The following IAH1 variants were observed in gnomAD, a reference collection of about 807,000 sequenced individuals.
IAH1 encodes isoamyl acetate hydrolyzing esterase 1 (putative).
IAH1 carries 24 observed loss-of-function variants against 26.7 expected under a neutral mutation model. The observed-to-expected ratio is 0.90, with a 90% confidence interval of 0.65 to 1.26. IAH1 has a LOEUF of 1.26. IAH1 is among the 50% of genes most tolerant of loss of function. The probability of loss-of-function intolerance (pLI) is 0.00; values close to 1 mark genes in which losing one functional copy is unlikely to be tolerated. For missense variants in IAH1, 300 were observed against 299.9 expected, an observed-to-expected ratio of 1.00 and a Z score of 0.00; for synonymous variants, 140 against 118.5, an observed-to-expected ratio of 1.18 and a Z score of -1.18.
Position 9,488,355 on chromosome 2 carries a change from T to C in IAH1, c.*26T>C, listed in dbSNP as rs1395932186. 1.3e-6 allele frequency: 2 copies of C among 1,557,540 alleles called. No homozygotes were observed. The highest frequency in any genetic ancestry group is 2.3e-5 in the East Asian group (1 of 43,760). ...CCAATCACAGGAGACCCAAATCTGC[T>C]TGTTATCTACAGAACTCAAAGTTGT... is the stretch of plus-strand genomic sequence containing the variant. On this transcript the variant is annotated 3_prime_UTR_variant, in exon 6 of 6. Transcript: ENST00000497473.
the IAH1 span, chr2:9,507,110 G>C: frequency 6.6e-6 from 1 of 152,266 alleles, no homozygotes; most frequent in Non-Finnish European, 1.5e-5. Context: ...AGGGTGATGG[G>C]TTCTGTCTTT....
chr2:9,477,500 G>C (rs1276875664), intron 2 of IAH1, among the ~76,000 whole-genome samples: 1 of 151,766 alleles, frequency 6.6e-6, no homozygotes, highest in Admixed American at 6.6e-5. Flanking sequence ...GAAAAAAAGA[G>C]TCCCTCTTAT....
At position 9,476,000 on chromosome 2, in the gene IAH1, A is replaced by C. The variant is rs776216897; in HGVS notation, c.95A>C (p.Gln32Pro). The C allele has an allele frequency of 5.0e-6, 8 of 1,613,792 alleles. No individual in the cohort carries two copies. The East Asian group carries it at 1.6e-4, about 31-fold the overall frequency. Residue 32 changes from glutamine to proline, a missense_variant, in exon 2 of 6, where the codon CAG becomes CCG. By Grantham distance (76) the Gln-to-Pro change is moderately conservative. Transcript: ENST00000497473. ...TTCTTCCTCCAGTTTTCCTTCCAGC[A>C]GGGTGGATGGGGAGCATCGCTGGCT... ...GDSITQFSFQ[Q>P]GGWGASLADR...
At chr2:9,511,296 A>C in the IAH1 span, among the ~76,000 whole-genome samples, 2 of 152,052 alleles carry the variant, frequency 1.3e-5, no homozygotes, top group East Asian at 1.9e-4. Flanking sequence ...TAAAAATACA[A>C]AAAATTAGCT....
chr2:9,508,731 C>A, the IAH1 span, among the ~76,000 whole-genome samples: 1 of 152,134 alleles, frequency 6.6e-6, no homozygotes, highest in African/African-American at 2.4e-5. Flanking sequence ...CACAAAACAT[C>A]CCCCGCCCCG....
downstream of IAH1, among the ~76,000 whole-genome samples, chr2:9,498,773 T>C (rs147028088): frequency 1.9e-3 from 284 of 152,344 alleles, 1 homozygote; most frequent in African/African-American, 6.6e-3. Flanking sequence ...TTGTGGATCA[T>C]TATTGTATTT....
downstream of IAH1, chr2:9,489,950 CTAAAACCTG>C (rs1425753505): frequency 2.2e-6 from 1 of 455,822 alleles, no homozygotes; most frequent in Non-Finnish European, 3.9e-6. Flanking sequence ...ATTTTAAAAA[CTAAAACCTG>C]AAAGCCTCAA....
intron 4 of IAH1, among the ~76,000 whole-genome samples, chr2:9,481,727 A>G (rs1045801341): frequency 6.6e-6 from 1 of 152,130 alleles, no homozygotes; most frequent in Non-Finnish European, 1.5e-5. Context: ...CAGGGTGCAC[A>G]TGAAGGCCAC....
the IAH1 span, among the ~76,000 whole-genome samples, chr2:9,502,922 C>T: frequency 7.8e-5 from 11 of 140,546 alleles, no homozygotes; most frequent in African/African-American, 3.0e-4. Flanking sequence ...AGGTGGACCA[C>T]GAGGTTAGGG....
chr2:9,483,275 C>G (rs938365495), intron 4 of IAH1, among the ~76,000 whole-genome samples: 2 of 152,126 alleles, frequency 1.3e-5, no homozygotes, highest in African/African-American at 4.8e-5. Flanking sequence ...GATGGTCTTG[C>G]TGTGTCACCC....
downstream of IAH1, chr2:9,489,930 G>T (rs946936013): frequency 1.6e-5 from 7 of 427,570 alleles, no homozygotes; most frequent in Non-Finnish European, 1.7e-5. Flanking sequence ...TGCACCACAG[G>T]TCAAAAGATA....
chr2:9,488,095 G>GCTAC, intron 5 of IAH1, 52 bp from the exon 6 acceptor site: 1 of 1,243,726 alleles, frequency 8.0e-7, no homozygotes, highest in South Asian at 1.5e-5. Flanking sequence ...ACAGGGGTGA[G>GCTAC]CTACCACACG....
chr2:9,511,965 T>G, the IAH1 span, among the ~76,000 whole-genome samples: 2 of 151,246 alleles, frequency 1.3e-5, no homozygotes, highest in East Asian at 3.8e-4. Context: ...AGTGAGAGTC[T>G]GTCTTAAAAT....
chr2:9,484,815 A>C (rs1376426524), intron 5 of IAH1: 2 of 371,704 alleles, frequency 5.4e-6, no homozygotes, highest in Non-Finnish European at 4.9e-6. Context: ...ATATTTATGA[A>C]CGTCCAGGCC....
chr2:9,475,726 C>G (rs1572827479), intron 1 of IAH1: 12 of 521,592 alleles, frequency 2.3e-5, no homozygotes, highest in South Asian at 2.3e-4. Context: ...GTCTCGAACT[C>G]GAGACCTCAT....
downstream of IAH1, among the ~76,000 whole-genome samples, chr2:9,499,786 C>T (rs372719100): frequency 2.1e-4 from 32 of 152,316 alleles, no homozygotes; most frequent in East Asian, 1.3e-3. Context: ...ATACTATGCA[C>T]ACGGAAAACC....
chr2:9,475,445 A>C (rs1027927210), intron 1 of IAH1, among the ~76,000 whole-genome samples: 1 of 149,292 alleles, frequency 6.7e-6, no homozygotes, highest in African/African-American at 2.5e-5. Flanking sequence ...TCATTTCCTC[A>C]CTGACCTTTG....
chr2:9,509,061 T>G, the IAH1 span, among the ~76,000 whole-genome samples: 1 of 151,714 alleles, frequency 6.6e-6, no homozygotes, highest in Non-Finnish European at 1.5e-5. Context: ...GAAAGCAGGG[T>G]GTCAGAGCCA....
intron 6 of IAH1, chr2:9,494,934 G>A: frequency 1.3e-6 from 1 of 742,228 alleles, no homozygotes; most frequent in African/African-American, 1.8e-5. Context: ...TAGTTTCTGA[G>A]GTCACACTCC....
Sources: gnomAD v4.1 joint callset for allele counts (sites outside exome capture counted in the v4.1 genomes callset) on GRCh38, gnomAD v4.1.1 for gene constraint, MANE v1.5 for transcripts, NCBI Gene and HGNC (gene_info 2026-07-23, HGNC 2026-07-21) for gene names.